Variants in NCKAP5 observed in about 807,000 individuals in gnomAD.
NCKAP5 encodes nck-associated protein 5.
Under a neutral mutation model 167.0 loss-of-function variants are expected in NCKAP5, and 92 were observed. The observed-to-expected ratio is 0.55, with a 90% CI of 0.47 to 0.66. The LOEUF is 0.66. Among genes scored for constraint, NCKAP5 ranks in the 30% least tolerant of loss-of-function variants. The probability of loss-of-function intolerance (pLI) is 0.00; values close to 1 mark genes in which losing one functional copy is unlikely to be tolerated. For synonymous variants in NCKAP5, 891 were observed against 877.4 expected, an observed-to-expected ratio of 1.02 and a Z score of -0.27; for missense variants, 2,378 against 2,315.0, an observed-to-expected ratio of 1.03 and a Z score of -0.56.
At chr2:133,166,468 T>G (rs1461152509) in intron 5 of NCKAP5, among the ~76,000 whole-genome samples, 1 of 152,216 alleles carries the variant, frequency 6.6e-6, no homozygotes, top group African/African-American at 2.4e-5. Flanking sequence ...TTTTGGGGCT[T>G]AGTCATTCTT....
intron 7 of NCKAP5, among the ~76,000 whole-genome samples, chr2:132,967,442 T>C (rs889712507): frequency 6.6e-6 from 1 of 152,136 alleles, no homozygotes; most frequent in Non-Finnish European, 1.5e-5. Context: ...TAGAGAGGCA[T>C]AGGGTCGGTG....
intron 7 of NCKAP5, among the ~76,000 whole-genome samples, chr2:132,989,446 G>A (rs996654796): frequency 6.6e-6 from 1 of 152,088 alleles, no homozygotes; most frequent in Admixed American, 6.5e-5. Context: ...GTGGGGACCC[G>A]GGAGGTGCTT....
chr2:132,915,633 T>G (rs1006051404), intron 8 of NCKAP5: 2 of 152,188 alleles, frequency 1.3e-5, no homozygotes, highest in Admixed American at 1.3e-4. Context: ...GGGCCTTCGC[T>G]AAGCTGCTTT....
intron 19 of NCKAP5, among the ~76,000 whole-genome samples, chr2:132,704,168 G>A (rs990033460): frequency 3.9e-5 from 6 of 152,102 alleles, no homozygotes; most frequent in African/African-American, 1.4e-4. Flanking sequence ...TGGGGAAGTG[G>A]CTTTCTTTGG....
In NCKAP5 at chr2:133,343,207, A is replaced by T. The variant is rs1213111481; in HGVS notation, c.70-40097T>A. On this transcript the variant is annotated intron_variant, in intron 3 of 19. Transcript: ENST00000409261. ...GACAGCACATTAAACTTATCATGTT[A>T]TGTCACTGAACATATCATGCAATGT... is the stretch of plus-strand genomic sequence containing the variant. 2.0e-5 allele frequency among the ~76,000 whole-genome samples: 3 copies of T among 152,208 alleles called. No homozygotes were observed. In the East Asian group the frequency reaches 5.8e-4, roughly 29 times the overall value.
At chr2:133,259,574 G>C (rs2088802025) in intron 4 of NCKAP5, among the ~76,000 whole-genome samples, 2 of 152,142 alleles carry the variant, frequency 1.3e-5, no homozygotes, top group Non-Finnish European at 2.9e-5. Context: ...GAGTGACTGA[G>C]GGATGTCCTC....
At chr2:132,908,445 G>C (rs1193698470) in intron 8 of NCKAP5, among the ~76,000 whole-genome samples, 4 of 152,124 alleles carry the variant, frequency 2.6e-5, no homozygotes, top group Non-Finnish European at 5.9e-5. Context: ...AGTGTGGCAG[G>C]ACTAACTGTG....
chr2:133,137,849 C>T (rs557288002), intron 5 of NCKAP5, among the ~76,000 whole-genome samples: 1 of 152,322 alleles, frequency 6.6e-6, no homozygotes, highest in South Asian at 2.1e-4. Context: ...GGGGTGCCTC[C>T]TTGGCCAGTT....
chr2:132,887,329 A>ATCTATC (rs1369349335), intron 8 of NCKAP5, among the ~76,000 whole-genome samples: 20 of 104,286 alleles, frequency 1.9e-4, no homozygotes, highest in Admixed American at 5.4e-4. Context: ...TTATCTATCT[A>ATCTATC]TCTATCTATC....
At chr2:132,773,675 G>A (rs1326953637) in intron 16 of NCKAP5, 141 bp downstream of exon 16, 1 of 666,966 alleles carries the variant, frequency 1.5e-6, no homozygotes, top group South Asian at 2.2e-5. Flanking sequence ...CAATGTCTAA[G>A]GAGATAATGG....
At position 133,444,440 on chromosome 2, in the gene NCKAP5, G is replaced by A. The variant is rs551330943; in HGVS notation, c.69+73018C>T. Among the ~76,000 whole-genome samples the A allele has an allele frequency of 2.0e-3, 309 of 152,262 alleles. 1 individual carries two copies. Among genetic ancestry groups the A allele is most frequent in the African/African-American group, 7.1e-3 (295 of 41,538 alleles). On this transcript the variant is annotated intron_variant, in intron 3 of 19. Coordinates refer to ENST00000409261, the MANE Select transcript of NCKAP5 (RefSeq NM_207363.3). ...TATAGATGTAGATATTTAAAAAGAT[G>A]TATACATCTTCTGGTATTGCTTTAA... is the stretch of plus-strand genomic sequence containing the variant.
intron 8 of NCKAP5, among the ~76,000 whole-genome samples, chr2:132,925,826 G>T (rs1382404939): frequency 6.6e-6 from 1 of 152,116 alleles, no homozygotes. Flanking sequence ...TAAGGTAGGG[G>T]ATACAAAGTT....
Position 133,303,066 on chromosome 2 carries a change from C to G in NCKAP5, c.114G>C (p.Gln38His). The change falls in exon 4 of 20, where the codon CAG (glutamine) becomes CAC (histidine). Residue 38 changes from glutamine to histidine, a missense_variant. Around this residue, in one of 3 missense-constraint regions of NCKAP5, gnomAD observed 1,049 missense variants for 1,023.4 expected, o/e 1.02. Coordinates refer to ENST00000409261, the MANE Select transcript of NCKAP5 (RefSeq NM_207363.3). ...AGAGACTCCTGTGTTGCTCCTCAAGCTGAGTCAGCAGATGCTCAATGTATT... is the reference window on the plus strand; with the variant it reads ...AGAGACTCCTGTGTTGCTCCTCAAGGTGAGTCAGCAGATGCTCAATGTATT... ...SNKYIEHLLT[Q>H]LEEQHRSLWR... The G allele has an allele frequency of 6.2e-7, 1 of 1,600,266 alleles. No homozygotes were observed. Among genetic ancestry groups the G allele is most frequent in the Non-Finnish European group, 8.5e-7 (1 of 1,173,034 alleles).
chr2:133,277,576 G>A (rs920381848), intron 4 of NCKAP5, among the ~76,000 whole-genome samples: 14 of 152,158 alleles, frequency 9.2e-5, no homozygotes, highest in South Asian at 2.1e-4. Context: ...AAAGCTGTCC[G>A]TTCTAAGTTA....
intron 3 of NCKAP5, among the ~76,000 whole-genome samples, chr2:133,516,079 T>C (rs1201495623): frequency 6.6e-6 from 1 of 152,206 alleles, no homozygotes; most frequent in African/African-American, 2.4e-5. Context: ...AAGAGAATCT[T>C]TCTTGAGCTG....
At chr2:133,613,428 G>A in the NCKAP5 span, among the ~76,000 whole-genome samples, 1 of 152,124 alleles carries the variant, frequency 6.6e-6, no homozygotes, top group Non-Finnish European at 1.5e-5. Flanking sequence ...CTAAAATTAG[G>A]GTTGCAATAA....
At chr2:133,268,986 G>A (rs1475622037) in intron 4 of NCKAP5, 1 of 152,156 alleles carries the variant, frequency 6.6e-6, no homozygotes, top group African/African-American at 2.4e-5. Context: ...AGGAAGAGAA[G>A]AGTTGAGCCG....
chr2:133,515,512 A>C (rs1398009930), intron 3 of NCKAP5, among the ~76,000 whole-genome samples: 1 of 152,188 alleles, frequency 6.6e-6, no homozygotes, highest in East Asian at 1.9e-4. Context: ...AACAGGATTA[A>C]GTCTCTCAGG....
Position 133,553,442 on chromosome 2 carries a change from C to T in NCKAP5, c.-62+5608G>A, listed in dbSNP as rs138411410. The stretch of plus-strand genomic sequence containing the variant: ...GCATTTTTAATGTCGTCAGCCCAAA[C>T]TTGGGAACCACAACTGCAGGGATTT... On this transcript the variant is annotated intron_variant, in intron 2 of 19. Coordinates refer to ENST00000409261, the MANE Select transcript of NCKAP5 (RefSeq NM_207363.3). Among the ~76,000 whole-genome samples the T allele has an allele frequency of 3.3e-5, 5 of 152,274 alleles. No individual in the cohort carries two copies. The East Asian group carries it at 9.6e-4, about 29-fold the overall frequency.
Sources: allele counts gnomAD v4.1 joint callset (sites outside exome capture counted in the v4.1 genomes callset), GRCh38; gene constraint gnomAD v4.1.1; regional missense constraint gnomAD v4.1.1; transcripts MANE v1.5; gene names NCBI Gene and HGNC (gene_info 2026-07-23, HGNC 2026-07-21).